The following SLC24A4 variants were observed in gnomAD, a reference collection of about 807,000 sequenced individuals.
SLC24A4 encodes sodium/potassium/calcium exchanger 4.
A neutral mutation model predicts 79.0 loss-of-function variants in SLC24A4; 53 were observed. The ratio of observed to expected loss-of-function variants is 0.67; its 90% CI spans 0.54 to 0.84. SLC24A4 has a LOEUF of 0.84. Among genes scored for constraint, SLC24A4 ranks in the 40% least tolerant of loss-of-function variants. SLC24A4 has a pLI of 0.00. For missense variants in SLC24A4, 731 were observed against 822.0 expected (o/e 0.89, Z 1.35); for synonymous variants, 323 against 323.8 (o/e 1.00, Z 0.03).
At chr14:92,409,011 G>A (rs1458162011) in intron 2 of SLC24A4, among the ~76,000 whole-genome samples, 1 of 152,182 alleles carries the variant, frequency 6.6e-6, no homozygotes, top group Non-Finnish European at 1.5e-5. Context: ...GGCTGAGTCT[G>A]CAGGATGAAG....
chr14:92,402,455 A>G (rs1041341538), intron 2 of SLC24A4, among the ~76,000 whole-genome samples: 1 of 152,188 alleles, frequency 6.6e-6, no homozygotes, highest in Admixed American at 6.5e-5. Context: ...GCCAGGTAAT[A>G]TAGGCAGCTG....
chr14:92,330,735 G>A (rs1885427569), intron 2 of SLC24A4, among the ~76,000 whole-genome samples: 1 of 152,214 alleles, frequency 6.6e-6, no homozygotes, highest in African/African-American at 2.4e-5. Flanking sequence ...CAGAGTGGCA[G>A]AGAGAGACAG....
At chr14:92,444,625 C>T (rs565392222) in intron 7 of SLC24A4, among the ~76,000 whole-genome samples, 4 of 152,136 alleles carry the variant, frequency 2.6e-5, no homozygotes, top group Non-Finnish European at 4.4e-5. Flanking sequence ...AAGGCCGAGG[C>T]GGGCTGATCA....
intron 2 of SLC24A4, among the ~76,000 whole-genome samples, chr14:92,395,221 A>T (rs1220691895): frequency 6.6e-6 from 1 of 152,120 alleles, no homozygotes; most frequent in Non-Finnish European, 1.5e-5. Context: ...GACCCACAGT[A>T]GGGGCTCAGG....
chr14:92,380,933 C>T (rs570765008), intron 2 of SLC24A4, among the ~76,000 whole-genome samples: 16 of 152,274 alleles, frequency 1.1e-4, no homozygotes, highest in Admixed American at 3.3e-4. Flanking sequence ...TGTACTCTTC[C>T]TTTTGGGCCT....
At chr14:92,444,918 TATATACACACAC>T (rs140618397) in intron 7 of SLC24A4, among the ~76,000 whole-genome samples, 363 of 119,416 alleles carry the variant, frequency 3.0e-3, no homozygotes, top group Admixed American at 5.2e-3. Context: ...ACACACACCC[TATATACACACAC>T]ATACACACAC....
At chr14:92,472,974 G>C (rs1019577633) in intron 12 of SLC24A4, among the ~76,000 whole-genome samples, 6 of 152,140 alleles carry the variant, frequency 3.9e-5, no homozygotes, top group African/African-American at 1.4e-4. Context: ...CACAATAAAG[G>C]CTTTTGCCCA....
chr14:92,493,007 C>T, intron 16 of SLC24A4: 1 of 293,342 alleles, frequency 3.4e-6, no homozygotes, highest in Admixed American at 4.1e-5. Flanking sequence ...CACACACACA[C>T]ACACACACAC....
At position 92,494,048 on chromosome 14, in the gene SLC24A4, C is replaced by T. The variant is rs910030293; in HGVS notation, c.*420C>T. 1 of 172,266 alleles carries T rather than the reference C, an allele frequency of 5.8e-6. No individual in the cohort carries two copies. Among genetic ancestry groups the T allele is most frequent in the Non-Finnish European group, 1.3e-5 (1 of 78,884 alleles). 10.7% of individuals were successfully genotyped at this position (172,266 alleles called of 1,614,324 possible). ...GCAGGTGCAAAATAGGAATGTTGTTCTCAAGTGTCACCTCCAGCCCAGAGG... is the reference window on the plus strand; with the variant it reads ...GCAGGTGCAAAATAGGAATGTTGTTTTCAAGTGTCACCTCCAGCCCAGAGG... On this transcript the variant is annotated 3_prime_UTR_variant, in exon 17 of 17. Transcript: ENST00000532405. The surrounding 1 kb of genome is among the most constrained non-coding windows in gnomAD (Gnocchi z 4.6).
chr14:92,492,530 C>A (rs968620246), intron 16 of SLC24A4, among the ~76,000 whole-genome samples: 1 of 152,170 alleles, frequency 6.6e-6, no homozygotes, highest in Non-Finnish European at 1.5e-5. Flanking sequence ...GGAGAGAGAT[C>A]CTCCCCTGCG....
chr14:92,474,278 C>G (rs889425906), intron 12 of SLC24A4, among the ~76,000 whole-genome samples: 1 of 152,156 alleles, frequency 6.6e-6, no homozygotes, highest in Non-Finnish European at 1.5e-5. Flanking sequence ...CTTGTAGCCT[C>G]CCATACATTT....
intron 11 of SLC24A4, among the ~76,000 whole-genome samples, chr14:92,456,196 C>T (rs995620915): frequency 5.9e-5 from 9 of 152,190 alleles, no homozygotes; most frequent in African/African-American, 2.2e-4. Context: ...GATAAATCCT[C>T]AAAGTTTTCC....
intron 2 of SLC24A4, among the ~76,000 whole-genome samples, chr14:92,342,051 A>G (rs1595137752): frequency 6.6e-6 from 1 of 152,084 alleles, no homozygotes; most frequent in South Asian, 2.1e-4. Flanking sequence ...GGAAGTTGGT[A>G]CCTAATTTGC....
At chr14:92,325,544 G>A (rs1240404771) in intron 1 of SLC24A4, among the ~76,000 whole-genome samples, 2 of 152,214 alleles carry the variant, frequency 1.3e-5, no homozygotes, top group Non-Finnish European at 2.9e-5. Context: ...CTCTGAGAGT[G>A]TCCTTTACTG....
At chr14:92,403,606 T>C (rs1186400940) in intron 2 of SLC24A4, among the ~76,000 whole-genome samples, 2 of 110,142 alleles carry the variant, frequency 1.8e-5, no homozygotes, top group African/African-American at 6.6e-5. Flanking sequence ...AGACTCCATC[T>C]AAAAAAAAAA....
Position 92,385,265 on chromosome 14 carries a change from G to A in SLC24A4, c.242-48647G>A, listed in dbSNP as rs558991785. The stretch of plus-strand genomic sequence containing the variant: ...CTCATGCCTGTAATCCCAGCACTTC[G>A]GGAGGCTGAGGTGGGCGGATCACGA... On this transcript the variant is annotated intron_variant, in intron 2 of 16. Coordinates refer to ENST00000532405, the MANE Select transcript of SLC24A4 (RefSeq NM_153646.4). Among the ~76,000 whole-genome samples, 9 of 152,264 alleles carry A rather than the reference G, an allele frequency of 5.9e-5. No individual in the cohort carries two copies. The South Asian group carries it at 1.0e-3, about 18-fold the overall frequency.
rs763515781 is a variant in SLC24A4, at chr14:92,442,665, G to C, written c.479-48G>C. The stretch of plus-strand genomic sequence containing the variant: ...AAGGGGGACACTGAGGAAGGGGCAG[G>C]CTGGGGACGTGTGGCTGAGGCCCAG... On this transcript the variant is annotated intron_variant, in intron 5 of 16. Coordinates refer to ENST00000532405, the MANE Select transcript of SLC24A4 (RefSeq NM_153646.4). The C allele has an allele frequency of 2.2e-6, 3 of 1,361,846 alleles. No individual in the cohort carries two copies. In the East Asian group the frequency reaches 6.9e-5, roughly 31 times the overall value. The allele number at this position is 1,361,846 out of a possible 1,614,324, so 84.4% of individuals were successfully genotyped here.
intron 12 of SLC24A4, among the ~76,000 whole-genome samples, chr14:92,474,684 CAT>C (rs1894620613): frequency 3.8e-5 from 2 of 52,518 alleles, no homozygotes; most frequent in African/African-American, 1.1e-4. Context: ...TATATATACA[CAT>C]ATATATGTAT....
chr14:92,444,264 T>G (rs907509356), intron 7 of SLC24A4, among the ~76,000 whole-genome samples: 1 of 152,196 alleles, frequency 6.6e-6, no homozygotes, highest in African/African-American at 2.4e-5. Context: ...TATTTCAGTA[T>G]GTAAATGTTT....
Sources: allele counts gnomAD v4.1 joint callset (sites outside exome capture counted in the v4.1 genomes callset), GRCh38; gene constraint gnomAD v4.1.1; non-coding constraint Gnocchi (gnomAD v3.1); transcripts MANE v1.5; gene names NCBI Gene and HGNC (gene_info 2026-07-23, HGNC 2026-07-21).